HIVEP1: variants seen among roughly 807,000 people sequenced by gnomAD.
HIVEP1 encodes the protein HIVEP zinc finger 1.
In HIVEP1, 36 loss-of-function variants were observed where a neutral mutation model predicts 180.0. The ratio of observed to expected loss-of-function variants is 0.20; its 90% CI spans 0.15 to 0.26. HIVEP1 has a LOEUF of 0.26. HIVEP1 is among the 10% of genes least tolerant of loss of function. The pLI is 1.00. For missense variants in HIVEP1, 3,143 were observed against 3,268.7 expected, an observed-to-expected ratio of 0.96 and a Z score of 0.94; for synonymous variants, 1,239 against 1,239.0, an observed-to-expected ratio of 1.00 and a Z score of 0.00.
chr6:12,134,815 C>T (rs1299664966), intron 6 of HIVEP1, among the ~76,000 whole-genome samples: 3 of 152,202 alleles, frequency 2.0e-5, no homozygotes, highest in Non-Finnish European at 4.4e-5. Flanking sequence ...GTCGATACAA[C>T]AGCTGCCAGA....
chr6:12,012,333 TGGC>T lies in HIVEP1; in HGVS notation c.-333_-331del, dbSNP rs1767393289. On this transcript the variant is annotated 5_prime_UTR_variant, in exon 1 of 9. Transcript: ENST00000379388. The stretch of plus-strand genomic sequence containing the variant: ...GAGCGCCAGTCGCCGGCCTTCAGCG[TGGC>T]GGCTGCTGGGCGGCGGCAGGGTGGC... 1 of 149,360 alleles carries T rather than the reference TGGC, an allele frequency of 6.7e-6. No homozygotes were observed. The allele number at this position is 149,360 out of a possible 1,614,324, so 9.3% of individuals were successfully genotyped here. A position where few individuals can be genotyped will look rare whatever the true frequency, so the allele number is the denominator to read the frequency against.
intron 3 of HIVEP1, among the ~76,000 whole-genome samples, chr6:12,094,815 T>G (rs1773693700): frequency 6.6e-6 from 1 of 152,036 alleles, no homozygotes. Flanking sequence ...ATCTGAGGAC[T>G]ATATGCTTCT....
intron 2 of HIVEP1, among the ~76,000 whole-genome samples, chr6:12,046,784 A>T (rs1432099856): frequency 2.2e-5 from 2 of 90,204 alleles, no homozygotes; most frequent in Admixed American, 1.2e-4. Flanking sequence ...TCTCAAAATT[A>T]AAAAAAAGAA....
chr6:12,088,394 A>C (rs1034938946), intron 2 of HIVEP1, among the ~76,000 whole-genome samples: 5 of 152,124 alleles, frequency 3.3e-5, no homozygotes, highest in Non-Finnish European at 7.4e-5. Context: ...CCAGTGTGTT[A>C]AATTTGGAAT....
intron 2 of HIVEP1, among the ~76,000 whole-genome samples, chr6:12,017,828 C>G (rs889137535): frequency 1.3e-5 from 2 of 152,244 alleles, no homozygotes; most frequent in African/African-American, 4.8e-5. Context: ...CATAAAGTTT[C>G]TCCAGGTCCC....
intron 2 of HIVEP1, among the ~76,000 whole-genome samples, chr6:12,033,610 G>A (rs911228685): frequency 2.3e-4 from 35 of 152,090 alleles, no homozygotes; most frequent in African/African-American, 8.4e-4. Flanking sequence ...TTAGTTTTGG[G>A]GTGGACACAA....
At chr6:12,056,236 T>A (rs1342936945) in intron 2 of HIVEP1, among the ~76,000 whole-genome samples, 1 of 152,176 alleles carries the variant, frequency 6.6e-6, no homozygotes, top group Non-Finnish European at 1.5e-5. Context: ...AGTGTGTTAC[T>A]GGGCAATGTG....
At chr6:12,116,962 G>A (rs1775253204) in intron 3 of HIVEP1, among the ~76,000 whole-genome samples, 1 of 152,034 alleles carries the variant, frequency 6.6e-6, no homozygotes, top group Non-Finnish European at 1.5e-5. Context: ...GGAACTAAGG[G>A]AATAAAATGA....
At chr6:12,027,123 A>C (rs1369679028) in intron 2 of HIVEP1, among the ~76,000 whole-genome samples, 1 of 152,212 alleles carries the variant, frequency 6.6e-6, no homozygotes, top group African/African-American at 2.4e-5. Context: ...TAAAATATTT[A>C]CTATTTAATG....
chr6:12,189,950 G>A, the HIVEP1 span, among the ~76,000 whole-genome samples: 1 of 152,110 alleles, frequency 6.6e-6, no homozygotes, highest in African/African-American at 2.4e-5. Flanking sequence ...AAAATAGTAA[G>A]GCTACTTACA....
At chr6:12,167,652 T>TGTTATATTACATGTATATATAC (rs1562023676), downstream of HIVEP1, among the ~76,000 whole-genome samples, 1 of 19,214 alleles carries the variant, frequency 5.2e-5, no homozygotes, top group African/African-American at 2.0e-4. Context: ...TATACATATA[T>TGTTATATTACATGTATATATAC]ATGTTATATA....
chr6:12,184,014 T>TAGACAGACAGAC, the HIVEP1 span, among the ~76,000 whole-genome samples: 14 of 139,642 alleles, frequency 1.0e-4, no homozygotes, highest in Non-Finnish European at 2.1e-4. Flanking sequence ...GATAGATAGA[T>TAGACAGACAGAC]AGATAGATAG....
chr6:12,127,476 G>C (rs971466259), intron 4 of HIVEP1, among the ~76,000 whole-genome samples: 1 of 152,240 alleles, frequency 6.6e-6, no homozygotes, highest in Non-Finnish European at 1.5e-5. Context: ...GAGAAGAGAA[G>C]TGGCTCTCCT....
At chr6:12,167,823 TATA>T (rs573903047), downstream of HIVEP1, among the ~76,000 whole-genome samples, 107 of 145,522 alleles carry the variant, frequency 7.4e-4, no homozygotes, top group Admixed American at 1.8e-3. Context: ...GATGTGCGTA[TATA>T]ATATGTACAC....
chr6:12,193,584 A>G, the HIVEP1 span, among the ~76,000 whole-genome samples: 1 of 151,528 alleles, frequency 6.6e-6, no homozygotes, highest in Non-Finnish European at 1.5e-5. Context: ...TTCATTTTGC[A>G]TTTATTTGCT....
intron 2 of HIVEP1, among the ~76,000 whole-genome samples, chr6:12,051,416 A>G (rs962081672): frequency 2.6e-5 from 4 of 152,158 alleles, no homozygotes; most frequent in African/African-American, 9.7e-5. Flanking sequence ...AGCATCTAGA[A>G]AACAAGATAC....
At chr6:12,183,968 A>G in the HIVEP1 span, among the ~76,000 whole-genome samples, 2 of 142,102 alleles carry the variant, frequency 1.4e-5, no homozygotes, top group African/African-American at 5.6e-5. Flanking sequence ...GCCAAATCAC[A>G]TTGTAAAGAT....
At chr6:12,169,558 C>G (rs1241070280), downstream of HIVEP1, among the ~76,000 whole-genome samples, 1 of 152,142 alleles carries the variant, frequency 6.6e-6, no homozygotes, top group Non-Finnish European at 1.5e-5. Flanking sequence ...ATCAGGTAAA[C>G]TAGGACATGA....
At chr6:12,070,091 A>G (rs1284348534) in intron 2 of HIVEP1, among the ~76,000 whole-genome samples, 3 of 152,190 alleles carry the variant, frequency 2.0e-5, no homozygotes, top group Non-Finnish European at 4.4e-5. Context: ...GTCATTTCCC[A>G]TGAGAACAGT....
Sources: gnomAD v4.1 joint callset for allele counts (sites outside exome capture counted in the v4.1 genomes callset) on GRCh38, gnomAD v4.1.1 for gene constraint, MANE v1.5 for transcripts, NCBI Gene and HGNC (gene_info 2026-07-23, HGNC 2026-07-21) for gene names.